SPATS2: variants seen among roughly 807,000 people sequenced by gnomAD.
SPATS2 encodes the protein spermatogenesis-associated serine-rich protein 2.
In SPATS2, 38 loss-of-function variants were observed where a neutral mutation model predicts 63.7. The ratio of observed to expected loss-of-function variants is 0.60; its 90% CI spans 0.46 to 0.78. The LOEUF (loss-of-function observed/expected upper bound fraction) is 0.78, where lower values mean the gene tolerates loss of function less well. Among genes scored for constraint, SPATS2 ranks in the 30% least tolerant of loss-of-function variants. The probability of loss-of-function intolerance (pLI) is 0.00; values close to 1 mark genes in which losing one functional copy is unlikely to be tolerated. For missense variants in SPATS2, 588 were observed against 666.2 expected, an observed-to-expected ratio of 0.88 and a Z score of 1.29; for synonymous variants, 207 against 232.9, an observed-to-expected ratio of 0.89 and a Z score of 1.01.
At position 49,526,145 on chromosome 12, in the gene SPATS2, A is replaced by G. The variant is rs1046084120; in HGVS notation, c.1528A>G (p.Thr510Ala). The G allele has an allele frequency of 5.6e-6, 9 of 1,614,032 alleles. No individual in the cohort carries two copies. Among genetic ancestry groups the G allele is most frequent in the Non-Finnish European group, 5.9e-6 (7 of 1,180,030 alleles). Reference sequence around the variant, plus strand: ...AAGAGGCCAGACTCACTCTGCAGGGACCAATGGAACTGGAGTCAGCATGGA... The same window carrying G: ...AAGAGGCCAGACTCACTCTGCAGGGGCCAATGGAACTGGAGTCAGCATGGA... ...IERGQTHSAG[T>A]NGTGVSMEPS... Residue 510 changes from threonine to alanine, a missense_variant, in exon 14 of 14, where the codon ACC becomes GCC. Transcript: ENST00000552918.
intron 2 of SPATS2, among the ~76,000 whole-genome samples, chr12:49,415,232 A>G (rs973276745): frequency 1.3e-5 from 2 of 151,702 alleles, no homozygotes; most frequent in Non-Finnish European, 2.9e-5. Context: ...TTTAGCAGAG[A>G]TGGGGTTTCA....
chr12:49,498,750 C>T (rs11169048), intron 8 of SPATS2, among the ~76,000 whole-genome samples: 49,154 of 150,358 alleles, frequency 0.33, 11,783 homozygotes, highest in African/African-American at 0.68. Context: ...CTTCTTACCA[C>T]GCTTATGCTT....
rs562607461 is a variant in SPATS2 at position 49,407,915 on chromosome 12, C to T, written c.-244+36625C>T. Among the ~76,000 whole-genome samples, 35 of 152,222 alleles carry T rather than the reference C, an allele frequency of 2.3e-4. 2 individuals carry two copies. In the South Asian group the frequency reaches 7.0e-3, roughly 31 times the overall value. ...AGCAGAGCTGAGTATTGTGACAGAC[C>T]GTATGTCCAGCAAAGCCTAAAATGT... On this transcript the variant is annotated intron_variant, in intron 2 of 13. Transcript: ENST00000552918.
intron 3 of SPATS2, among the ~76,000 whole-genome samples, chr12:49,483,813 G>A (rs1428772329): frequency 6.6e-6 from 1 of 152,148 alleles, no homozygotes; most frequent in Non-Finnish European, 1.5e-5. Context: ...CCAGACTGCT[G>A]AATCACAACC....
chr12:49,523,519 T>G (rs61227990), intron 12 of SPATS2, among the ~76,000 whole-genome samples: 2 of 151,826 alleles, frequency 1.3e-5, no homozygotes, highest in East Asian at 3.9e-4. Flanking sequence ...TAGGAGAAAA[T>G]AATACTTGTC....
intron 2 of SPATS2, among the ~76,000 whole-genome samples, chr12:49,458,732 GTT>G (rs559444527): frequency 8.0e-5 from 11 of 136,684 alleles, no homozygotes; most frequent in Admixed American, 1.5e-4. Context: ...ATTCCATCTC[GTT>G]TTTTTTTTTT....
At chr12:49,484,505 C>A in intron 3 of SPATS2, 85 bp from the exon 4 acceptor site, 1 of 1,325,990 alleles carries the variant, frequency 7.5e-7, no homozygotes, top group Non-Finnish European at 1.1e-6. Context: ...TTTTATGGGA[C>A]GAAAGCAGCC....
chr12:49,378,181 C>T (rs930653815), intron 2 of SPATS2, among the ~76,000 whole-genome samples: 1 of 152,074 alleles, frequency 6.6e-6, no homozygotes, highest in Non-Finnish European at 1.5e-5. Flanking sequence ...CCATGTTGGC[C>T]AGGCTGGTCT....
chr12:49,504,778 T>C (rs569367161), intron 9 of SPATS2, among the ~76,000 whole-genome samples: 1 of 144,310 alleles, frequency 6.9e-6, no homozygotes, highest in African/African-American at 2.7e-5. Context: ...TTCTTTTTTT[T>C]TTTTTTTTTT....
At chr12:49,507,803 A>G (rs929704721) in intron 9 of SPATS2, among the ~76,000 whole-genome samples, 2 of 152,212 alleles carry the variant, frequency 1.3e-5, no homozygotes, top group African/African-American at 4.8e-5. Flanking sequence ...TTTCTGTACA[A>G]TGAATCTGGA....
intron 2 of SPATS2, among the ~76,000 whole-genome samples, chr12:49,371,867 A>G (rs1211695354): frequency 6.6e-6 from 1 of 152,026 alleles, no homozygotes; most frequent in Non-Finnish European, 1.5e-5. Context: ...ACCTCCCACC[A>G]GGCCCCACCT....
chr12:49,512,945 C>T (rs764911152), intron 9 of SPATS2: 1 of 1,278,570 alleles, frequency 7.8e-7, no homozygotes, highest in Non-Finnish European at 1.0e-6. Context: ...TGCTACCCCA[C>T]AATAATTGTA....
chr12:49,403,639 A>ACACT (rs1565704965), intron 2 of SPATS2, among the ~76,000 whole-genome samples: 4 of 147,304 alleles, frequency 2.7e-5, no homozygotes, highest in African/African-American at 5.2e-5. Context: ...ACACACACAC[A>ACACT]CAAACAAAAC....
intron 1 of SPATS2, among the ~76,000 whole-genome samples, chr12:49,369,391 A>G (rs1044165749): frequency 6.6e-5 from 10 of 152,074 alleles, no homozygotes; most frequent in East Asian, 1.9e-4. Context: ...TTTTGTATGT[A>G]TTATCTCATT....
At chr12:49,404,502 C>T (rs537450017) in intron 2 of SPATS2, among the ~76,000 whole-genome samples, 34 of 152,248 alleles carry the variant, frequency 2.2e-4, no homozygotes, top group Admixed American at 2.0e-3. Flanking sequence ...TGATCTCCAG[C>T]TCCTGGCCTC....
At chr12:49,451,174 G>A (rs1167028000) in intron 2 of SPATS2, among the ~76,000 whole-genome samples, 2 of 151,982 alleles carry the variant, frequency 1.3e-5, no homozygotes, top group Non-Finnish European at 2.9e-5. Context: ...GCCCGGCCAG[G>A]TATTTGTTTT....
chr12:49,409,665 CA>C (rs1190602984), intron 2 of SPATS2, among the ~76,000 whole-genome samples: 3 of 142,372 alleles, frequency 2.1e-5, no homozygotes, highest in Non-Finnish European at 4.5e-5. Context: ...TGCTGTGGCG[CA>C]ATGTCAGCTA....
At chr12:49,393,426 TTATTA>T (rs1944454573) in intron 2 of SPATS2, among the ~76,000 whole-genome samples, 1 of 152,110 alleles carries the variant, frequency 6.6e-6, no homozygotes, top group Admixed American at 6.5e-5. Context: ...TATTCTGTAT[TTATTA>T]GGTAGAATTT....
At chr12:49,477,452 G>A (rs1004382724) in intron 3 of SPATS2, among the ~76,000 whole-genome samples, 5 of 152,172 alleles carry the variant, frequency 3.3e-5, no homozygotes, top group African/African-American at 1.2e-4. Context: ...ATGAAAGGCT[G>A]TTTTCTTGCA....
Sources: allele counts gnomAD v4.1 joint callset (sites outside exome capture counted in the v4.1 genomes callset), GRCh38; gene constraint gnomAD v4.1.1; transcripts MANE v1.5; gene names NCBI Gene and HGNC (gene_info 2026-07-23, HGNC 2026-07-21).